SEC24A: variants seen among roughly 807,000 people sequenced by gnomAD.
The protein encoded by SEC24A is protein transport protein Sec24A.
SEC24A carries 93 observed loss-of-function variants against 129.4 expected under a neutral mutation model. The observed-to-expected ratio is 0.72, with a 90% CI of 0.61 to 0.85. The LOEUF (loss-of-function observed/expected upper bound fraction) is 0.85, where lower values mean the gene tolerates loss of function less well. SEC24A is among the 40% of genes least tolerant of loss of function. The pLI is 0.00. For missense variants in SEC24A, 1,264 were observed against 1,307.4 expected (o/e 0.97, Z 0.51); for synonymous variants, 460 against 467.3 (o/e 0.98, Z 0.20).
In SEC24A at chr5:134,720,998, G is replaced by A. The variant is rs376499082; in HGVS notation, c.2971G>A (p.Val991Ile). 8.2e-6 allele frequency: 13 copies of A among 1,592,418 alleles called. No individual in the cohort carries two copies. In the African/African-American group the frequency reaches 1.6e-4, roughly 20 times the overall value. ...DGAFLMDAGSVLMLWVGKNCT... is the reference protein window; with the variant it reads ...DGAFLMDAGSILMLWVGKNCT... The stretch of plus-strand genomic sequence containing the variant: ...AAAATAATTTTATTCCTGTCCCTAG[G>A]TACTGATGCTTTGGGTTGGAAAAAA... The change falls in exon 21 of 23, where the codon GTA becomes ATA. Residue 991 changes from valine (V) to isoleucine (I), a missense_variant and splice_region_variant. Transcript: ENST00000398844.
intron 2 of SEC24A, among the ~76,000 whole-genome samples, chr5:134,663,334 G>A (rs1750540449): frequency 6.6e-6 from 1 of 152,110 alleles, no homozygotes; most frequent in South Asian, 2.1e-4. Flanking sequence ...ATAGCTTGCT[G>A]TAACTGCTGA....
rs558721921 is a variant in SEC24A, at chr5:134,706,871, A to G, written c.2551+1434A>G. Among the ~76,000 whole-genome samples, 7 of 152,050 alleles carry G rather than the reference A, an allele frequency of 4.6e-5. No homozygotes were observed. In the South Asian group the frequency reaches 1.5e-3, roughly 32 times the overall value. On this transcript the variant is annotated intron_variant, in intron 17 of 22. Transcript: ENST00000398844. Reference sequence around the variant, plus strand: ...ACACCCAGCTAATTTTTGTATTTTTAGTAGAGACGGGGTTTCACCATGTTG... The same window carrying G: ...ACACCCAGCTAATTTTTGTATTTTTGGTAGAGACGGGGTTTCACCATGTTG...
At chr5:134,682,591 AGTTTC>A in intron 9 of SEC24A, 109 bp downstream of exon 9, 1 of 578,532 alleles carries the variant, frequency 1.7e-6, no homozygotes, top group Non-Finnish European at 3.1e-6. Context: ...TTTGAGACAG[AGTTTC>A]ACTCTCATTG....
intron 8 of SEC24A, among the ~76,000 whole-genome samples, 178 bp downstream of exon 8, chr5:134,679,906 A>G (rs1228735863): frequency 1.3e-5 from 2 of 152,012 alleles, no homozygotes; most frequent in African/African-American, 4.8e-5. Context: ...AATAAATTTA[A>G]TTATTTATTT....
chr5:134,674,344 G>A (rs572712123), intron 4 of SEC24A, among the ~76,000 whole-genome samples: 85 of 152,116 alleles, frequency 5.6e-4, no homozygotes, highest in African/African-American at 2.0e-3. Context: ...ATCCCAGCCT[G>A]GACAACATGG....
At chr5:134,702,761 G>GT (rs779805053) in intron 15 of SEC24A, among the ~76,000 whole-genome samples, 7 of 149,394 alleles carry the variant, frequency 4.7e-5, no homozygotes, top group Non-Finnish European at 8.8e-5. Flanking sequence ...TTGTTTGTTT[G>GT]TTGTTGTTGT....
chr5:134,691,124 A>G (rs1751633831), intron 11 of SEC24A, among the ~76,000 whole-genome samples: 2 of 149,762 alleles, frequency 1.3e-5, no homozygotes, highest in Middle Eastern at 3.6e-3. Context: ...AAGTGCTGGG[A>G]TTATAGCAGG....
intron 15 of SEC24A, among the ~76,000 whole-genome samples, chr5:134,699,174 C>T (rs1025975274): frequency 1.3e-5 from 2 of 152,152 alleles, no homozygotes; most frequent in Non-Finnish European, 2.9e-5. Flanking sequence ...ACGTGATCTT[C>T]CTGCCTTAGC....
At chr5:134,688,373 G>A (rs993356246) in intron 11 of SEC24A, 74 bp downstream of exon 11, 23 of 909,020 alleles carry the variant, frequency 2.5e-5, no homozygotes, top group Middle Eastern at 2.4e-4. Context: ...CAAATTGGAT[G>A]TGTGTTGTTT....
At chr5:134,658,515 C>G (rs1041951477) in intron 1 of SEC24A, among the ~76,000 whole-genome samples, 1 of 152,176 alleles carries the variant, frequency 6.6e-6, no homozygotes, top group Non-Finnish European at 1.5e-5. Flanking sequence ...CCTCTTGCCT[C>G]AGCCTCCTGA....
At chr5:134,721,857 G>T (rs1752637133) in intron 21 of SEC24A, among the ~76,000 whole-genome samples, 1 of 152,076 alleles carries the variant, frequency 6.6e-6, no homozygotes, top group Admixed American at 6.6e-5. Context: ...GGGCAACAGA[G>T]CAAGAACCTG....
At chr5:134,711,413 C>T (rs917522363) in intron 18 of SEC24A, among the ~76,000 whole-genome samples, 6 of 151,970 alleles carry the variant, frequency 3.9e-5, no homozygotes, top group Non-Finnish European at 8.8e-5. Flanking sequence ...CACAGTGGCT[C>T]ATGCCTGTAA....
In SEC24A at chr5:134,703,780, A is replaced by G; in HGVS notation, c.2288A>G (p.His763Arg). 6.2e-7 allele frequency: 1 copy of G among 1,612,446 alleles called. No individual in the cohort carries two copies. The highest frequency in any genetic ancestry group is 1.1e-5 in the South Asian group (1 of 90,978). ...CTKGLSIHTF[H>R]GNFFVRSTDL... ...CTAGGTCTTTCCATTCATACTTTCC[A>G]TGGAAACTTCTTTGTTAGGTCAACC... Residue 763 changes from histidine (H) to arginine (R), a missense_variant, in exon 16 of 23, where the codon CAT becomes CGT. His to Arg is a conservative substitution (Grantham distance 29, BLOSUM62 0). Transcript: ENST00000398844.
intron 7 of SEC24A, among the ~76,000 whole-genome samples, chr5:134,678,399 A>G (rs979022573): frequency 1.3e-5 from 2 of 151,980 alleles, no homozygotes; most frequent in Admixed American, 6.6e-5. Context: ...TTTATGCCAA[A>G]AGTACATTGT....
At chr5:134,681,273 A>T (rs1751258452) in intron 8 of SEC24A, among the ~76,000 whole-genome samples, 1 of 151,038 alleles carries the variant, frequency 6.6e-6, no homozygotes, top group African/African-American at 2.4e-5. Context: ...GGTGGCGGGC[A>T]CCTGTAATCC....
intron 12 of SEC24A, chr5:134,693,040 G>A: frequency 2.6e-6 from 4 of 1,535,892 alleles, no homozygotes; most frequent in Non-Finnish European, 3.5e-6. Context: ...GAGTGTCATT[G>A]GGGTCAGTTC....
intron 3 of SEC24A, among the ~76,000 whole-genome samples, chr5:134,668,546 C>T (rs374036843): frequency 1.1e-3 from 164 of 152,204 alleles, no homozygotes; most frequent in African/African-American, 3.5e-3. Flanking sequence ...GCCAGCATGG[C>T]GAAACCCTGT....
chr5:134,702,266 C>T (rs907327435), intron 15 of SEC24A, among the ~76,000 whole-genome samples: 2 of 152,064 alleles, frequency 1.3e-5, no homozygotes, highest in African/African-American at 4.8e-5. Context: ...CTTCCTGCTT[C>T]AGCCTCCTGA....
intron 18 of SEC24A, among the ~76,000 whole-genome samples, chr5:134,711,446 G>C (rs1258660822): frequency 6.6e-6 from 1 of 151,930 alleles, no homozygotes; most frequent in Admixed American, 6.6e-5. Flanking sequence ...GGGAGGCAAA[G>C]GCGGGAGGAT....
Sources: allele counts gnomAD v4.1 joint callset (sites outside exome capture counted in the v4.1 genomes callset), GRCh38; gene constraint gnomAD v4.1.1; transcripts MANE v1.5; gene names NCBI Gene and HGNC (gene_info 2026-07-23, HGNC 2026-07-21).